The following NIN variants were observed in gnomAD, a reference collection of about 807,000 sequenced individuals.
The protein encoded by NIN is ninein.
NIN carries 137 observed loss-of-function variants against 257.6 expected under a neutral mutation model. The observed-to-expected ratio is 0.53, with a 90% confidence interval of 0.46 to 0.61. The LOEUF is 0.61. Ranked by LOEUF, NIN falls within the 20% of genes least tolerant of loss-of-function variation. NIN has a pLI of 0.00. For missense variants in NIN, 2,439 were observed against 2,501.2 expected, an observed-to-expected ratio of 0.98 and a Z score of 0.53; for synonymous variants, 918 against 919.8, an observed-to-expected ratio of 1.00 and a Z score of 0.04.
chr14:50,788,016 GAA>G (rs1490949388), intron 5 of NIN, among the ~76,000 whole-genome samples: 2 of 151,550 alleles, frequency 1.3e-5, no homozygotes, highest in African/African-American at 4.9e-5. Context: ...GACAATAAAG[GAA>G]AAGACTGGAA....
rs143583978 is a variant in NIN at position 50,821,955 on chromosome 14, G to A, written c.102C>T (p.Thr34=). ...CCAAGCTCAACATGTGGCAAAGGTC[G>A]GTGAGTTCCTCCTGCCCCAGGGACC... ...GTGSLGQEEL[T]DLCHMLSLEE... is the part of the protein sequence containing the mutation. The change falls in exon 3 of 31, where the codon ACC becomes ACT. Residue 34 remains threonine (T), a synonymous_variant. Transcript: ENST00000530997. 6.8e-6 allele frequency: 11 copies of A among 1,614,010 alleles called. No homozygotes were observed. Among genetic ancestry groups the A allele is most frequent in the African/African-American group, 5.3e-5 (4 of 74,916 alleles).
intron 4 of NIN, among the ~76,000 whole-genome samples, chr14:50,796,141 A>G (rs1264181737): frequency 2.0e-5 from 3 of 151,898 alleles, no homozygotes; most frequent in Non-Finnish European, 4.4e-5. Context: ...CCCATTTTCC[A>G]TTTCTCCTAT....
chr14:50,732,882 G>A (rs971365152), intron 28 of NIN, among the ~76,000 whole-genome samples: 12 of 144,930 alleles, frequency 8.3e-5, no homozygotes, highest in Non-Finnish European at 1.4e-4. Flanking sequence ...CGCATGCCAC[G>A]GCGCCCGGCC....
chr14:50,771,254 G>A (rs2042720806), intron 10 of NIN, 78 bp downstream of exon 10: 2 of 1,522,472 alleles, frequency 1.3e-6, no homozygotes, highest in Admixed American at 1.8e-5. Context: ...ATAGAAGGAT[G>A]TCCATCCAAG....
At chr14:50,726,549 G>A (rs1344627556) in intron 29 of NIN, 1 of 153,022 alleles carries the variant, frequency 6.5e-6, no homozygotes, top group African/African-American at 2.4e-5. Context: ...GCTGATGACT[G>A]TGAGGGTGGT....
In NIN at chr14:50,757,897, C is replaced by A; in HGVS notation, c.3133G>T (p.Glu1045Ter). The change falls in exon 18 of 31, where the codon GAA becomes TAA. Residue 1045 changes from glutamate to a stop codon, truncating the protein, a stop_gained. Coordinates refer to ENST00000530997, the MANE Select transcript of NIN (RefSeq NM_020921.4). LOFTEE classifies it high-confidence loss of function. ...GCQVIGEEEV[E>*]GDGALSLLQQ... ...AGCAGGGACAGGGCTCCATCTCCTTCCACCTCCTCCTCTCCTATCACCTGG... is the reference window on the plus strand; with the variant it reads ...AGCAGGGACAGGGCTCCATCTCCTTACACCTCCTCCTCTCCTATCACCTGG... The A allele has an allele frequency of 3.7e-6, 6 of 1,614,180 alleles. No homozygotes were observed. Among genetic ancestry groups the A allele is most frequent in the Admixed American group, 1.7e-5 (1 of 60,022 alleles).
intron 22 of NIN, 110 bp from the exon 23 acceptor site, chr14:50,744,475 G>C: frequency 8.7e-7 from 1 of 1,146,866 alleles, no homozygotes; most frequent in Non-Finnish European, 1.2e-6. Flanking sequence ...CCTATCTGTG[G>C]ATATTTCAGA....
Position 50,752,582 on chromosome 14 carries a change from G to C in NIN, c.4886C>G (p.Ala1629Gly). 3.1e-6 allele frequency: 5 copies of C among 1,613,950 alleles called. No individual in the cohort carries two copies. Among genetic ancestry groups the C allele is most frequent in the Non-Finnish European group, 4.2e-6 (5 of 1,179,932 alleles). ...CQKEKEPGNS[A>G]LEEREQEKFN... ...CTTCTCTTGTTCCCGTTCCTCCAAT[G>C]CACTGTTTCCTGGCTCTTTTTCCTT... Residue 1629 changes from alanine to glycine, a missense_variant, in exon 21 of 31, where the codon GCA becomes GGA. Ala to Gly is a moderately conservative substitution (Grantham distance 60). Around this residue, in one of 3 missense-constraint regions of NIN, gnomAD observed 2,043 missense variants for 2,050.2 expected, o/e 1.00. Transcript: ENST00000530997.
intron 3 of NIN, among the ~76,000 whole-genome samples, chr14:50,812,530 T>C (rs779168426): frequency 6.6e-6 from 1 of 152,076 alleles, no homozygotes; most frequent in Non-Finnish European, 1.5e-5. Flanking sequence ...AGCTACCCCA[T>C]AGATTCCAGA....
At chr14:50,769,327 A>T (rs945274082) in intron 12 of NIN, among the ~76,000 whole-genome samples, 38 of 152,136 alleles carry the variant, frequency 2.5e-4, no homozygotes, top group Non-Finnish European at 7.4e-5. Flanking sequence ...CTTGCACCTT[A>T]TTATATGGTG....
chr14:50,816,583 T>G (rs1316160878), intron 3 of NIN, among the ~76,000 whole-genome samples: 2 of 152,134 alleles, frequency 1.3e-5, no homozygotes, highest in African/African-American at 4.8e-5. Flanking sequence ...GATCCCATCC[T>G]GGCACTGACT....
intron 3 of NIN, among the ~76,000 whole-genome samples, chr14:50,821,507 T>C (rs2045219796): frequency 2.0e-5 from 3 of 152,230 alleles, no homozygotes; most frequent in South Asian, 4.1e-4. Context: ...GTCATAACAA[T>C]AGCTTTCTTA....
At chr14:50,779,431 G>A (rs1248767464) in intron 5 of NIN, among the ~76,000 whole-genome samples, 3 of 152,218 alleles carry the variant, frequency 2.0e-5, no homozygotes, top group African/African-American at 7.2e-5. Context: ...TCTAAACTGA[G>A]ACCTGAAGGA....
In NIN at chr14:50,739,290, T is replaced by G. The variant is rs1188613744; in HGVS notation, c.5628+18A>C. ...TCATTTTCAAACATATGCCATGATG[T>G]GCAGCTTCTCCAATTACCTTCTCCC... On this transcript the variant is annotated intron_variant, in intron 26 of 30. Transcript: ENST00000530997. 1.2e-6 allele frequency: 2 copies of G among 1,611,962 alleles called. No homozygotes were observed. The highest frequency in any genetic ancestry group is 1.7e-5 in the Admixed American group (1 of 59,866).
intron 5 of NIN, among the ~76,000 whole-genome samples, chr14:50,784,236 A>T (rs561504325): frequency 6.6e-6 from 1 of 152,304 alleles, no homozygotes; most frequent in African/African-American, 2.4e-5. Context: ...ACCCAAAGGG[A>T]CATGGAGTCA....
At chr14:50,772,803 C>A in intron 8 of NIN, 146 bp downstream of exon 8, 1 of 709,846 alleles carries the variant, frequency 1.4e-6, no homozygotes, top group Non-Finnish European at 2.3e-6. Flanking sequence ...ACCTTTCCTT[C>A]CTAATGGTTA....
intron 4 of NIN, chr14:50,794,490 C>T: frequency 7.0e-6 from 7 of 999,522 alleles, no homozygotes; most frequent in Non-Finnish European, 8.4e-6. Context: ...GGCCCAGACA[C>T]CCGAGCTACT....
intron 5 of NIN, among the ~76,000 whole-genome samples, chr14:50,789,272 G>A (rs1243139937): frequency 6.6e-6 from 1 of 152,196 alleles, no homozygotes; most frequent in Admixed American, 6.5e-5. Flanking sequence ...GCGGCCAGCA[G>A]TACAATAAAG....
intron 30 of NIN, chr14:50,724,087 A>T (rs1319618026): frequency 5.2e-6 from 1 of 191,062 alleles, no homozygotes; most frequent in Non-Finnish European, 1.1e-5. Flanking sequence ...CGTAACTACA[A>T]CCCACTGATT....
Sources: allele counts gnomAD v4.1 joint callset (sites outside exome capture counted in the v4.1 genomes callset), GRCh38; gene constraint gnomAD v4.1.1; regional missense constraint gnomAD v4.1.1; transcripts MANE v1.5; gene names NCBI Gene and HGNC (gene_info 2026-07-23, HGNC 2026-07-21).